KITLG: variants seen among roughly 807,000 people sequenced by gnomAD.
The protein encoded by KITLG is c-Kit ligand.
A neutral mutation model predicts 34.1 loss-of-function variants in KITLG; 13 were observed. That is an observed-to-expected ratio of 0.38 (90% confidence interval 0.25 to 0.61). The LOEUF is 0.61. Among genes scored for constraint, KITLG ranks in the 20% least tolerant of loss-of-function variants. KITLG has a pLI of 0.60. For missense variants in KITLG, 292 were observed against 318.9 expected, an observed-to-expected ratio of 0.92 and a Z score of 0.64; for synonymous variants, 110 against 104.0, an observed-to-expected ratio of 1.06 and a Z score of -0.35.
intron 1 of KITLG, among the ~76,000 whole-genome samples, chr12:88,546,913 C>T (rs1169056666): frequency 6.6e-6 from 1 of 152,018 alleles, no homozygotes; most frequent in Non-Finnish European, 1.5e-5. Flanking sequence ...AATCAATTAA[C>T]CTTAAGGGGG....
At chr12:88,550,716 A>T (rs940655338) in intron 1 of KITLG, among the ~76,000 whole-genome samples, 16 of 152,196 alleles carry the variant, frequency 1.1e-4, no homozygotes, top group African/African-American at 3.9e-4. Flanking sequence ...ACACTGTCCC[A>T]GAACTCCTGC....
At chr12:88,506,494 CA>C in intron 7 of KITLG, 116 bp from the exon 8 acceptor site, 1 of 765,208 alleles carries the variant, frequency 1.3e-6, no homozygotes, top group Non-Finnish European at 2.3e-6. Flanking sequence ...ACAGTTTTTT[CA>C]GCATGTAGCA....
intron 1 of KITLG, among the ~76,000 whole-genome samples, chr12:88,550,853 A>G (rs1327175933): frequency 2.0e-5 from 3 of 152,208 alleles, no homozygotes; most frequent in Non-Finnish European, 4.4e-5. Context: ...TGAATAGTCT[A>G]TATTATTCAA....
At chr12:88,538,752 A>C (rs935839608) in intron 2 of KITLG, among the ~76,000 whole-genome samples, 1 of 152,130 alleles carries the variant, frequency 6.6e-6, no homozygotes. Context: ...TGTTCTACTA[A>C]AGAAATTCAT....
At chr12:88,554,067 G>T (rs1456502847) in intron 1 of KITLG, among the ~76,000 whole-genome samples, 1 of 152,068 alleles carries the variant, frequency 6.6e-6, no homozygotes, top group Non-Finnish European at 1.5e-5. Context: ...ACAGTAAAAG[G>T]CCACATGCCA....
At chr12:88,514,410 C>T (rs1165887548) in intron 6 of KITLG, among the ~76,000 whole-genome samples, 4 of 151,492 alleles carry the variant, frequency 2.6e-5, no homozygotes, top group South Asian at 2.1e-4. Flanking sequence ...GGTAAGAAAA[C>T]CCTTAATTGA....
intron 6 of KITLG, among the ~76,000 whole-genome samples, chr12:88,515,078 T>C (rs1206547075): frequency 6.6e-6 from 1 of 151,834 alleles, no homozygotes; most frequent in African/African-American, 2.4e-5. Context: ...TAAATACTGA[T>C]ATACACAAAT....
chr12:88,570,598 T>C (rs115848863), intron 1 of KITLG, among the ~76,000 whole-genome samples: 2,064 of 152,148 alleles, frequency 0.014, 60 homozygotes, highest in African/African-American at 0.047. Context: ...CGTGTCTATA[T>C]TGGTGCATTA....
chr12:88,556,299 C>G (rs2120939682), intron 1 of KITLG, among the ~76,000 whole-genome samples: 1 of 150,226 alleles, frequency 6.7e-6, no homozygotes. Context: ...TTTAAAAGCA[C>G]TGGGGAGACC....
At chr12:88,567,759 C>T (rs761619618) in intron 1 of KITLG, among the ~76,000 whole-genome samples, 1 of 152,118 alleles carries the variant, frequency 6.6e-6, no homozygotes, top group Non-Finnish European at 1.5e-5. Context: ...GTCCTAATGC[C>T]CTTCTTATGC....
intron 1 of KITLG, among the ~76,000 whole-genome samples, chr12:88,552,762 T>TAA (rs930342083): frequency 9.5e-5 from 14 of 146,810 alleles, no homozygotes; most frequent in African/African-American, 3.6e-4. Context: ...AAGAAGAAAT[T>TAA]AAAAAAAAAA....
In KITLG at chr12:88,580,265, T is replaced by C. The variant is rs749575648; in HGVS notation, c.14A>G (p.Gln5Arg). MKKT[Q>R]TWILTCIYLQ... is the part of the protein sequence containing the mutation. ...AGCTCCCGGGCGCGCCCTACTCACT[T>C]GTGTCTTCTTCATAAGGAAAGGCAG... is the stretch of plus-strand genomic sequence containing the variant. Residue 5 changes from glutamine to arginine, a missense_variant and splice_region_variant, in exon 1 of 10, where the codon CAA (glutamine) becomes CGA (arginine). By Grantham distance (43) the Gln-to-Arg change is conservative. Coordinates refer to ENST00000644744, the MANE Select transcript of KITLG (RefSeq NM_000899.5). 1.9e-6 allele frequency: 3 copies of C among 1,610,120 alleles called. No homozygotes were observed. Among genetic ancestry groups the C allele is most frequent in the Non-Finnish European group, 2.5e-6 (3 of 1,178,316 alleles).
At chr12:88,558,520 C>A (rs1871177525) in intron 1 of KITLG, among the ~76,000 whole-genome samples, 1 of 152,150 alleles carries the variant, frequency 6.6e-6, no homozygotes, top group Admixed American at 6.5e-5. Flanking sequence ...ACTGGCTTTG[C>A]GAATTATGCA....
chr12:88,571,971 G>A (rs998813936), intron 1 of KITLG, among the ~76,000 whole-genome samples: 2 of 152,126 alleles, frequency 1.3e-5, no homozygotes, highest in African/African-American at 4.8e-5. Context: ...CCTCTCAGCG[G>A]AAAAGTGCTG....
At position 88,512,889 on chromosome 12, in the gene KITLG, C is replaced by G. The variant is rs190554162; in HGVS notation, c.604+2645G>C. Among the ~76,000 whole-genome samples the G allele has an allele frequency of 1.8e-3, 268 of 151,678 alleles. 1 individual carries two copies. The highest frequency in any genetic ancestry group is 3.2e-3 in the Non-Finnish European group (220 of 67,730). ...CAGCAGATCTGTATTATAAGAGATG[C>G]TATAGAATGTTTTTCAGCCTGAAGG... On this transcript the variant is annotated intron_variant, in intron 6 of 9. Transcript: ENST00000644744.
At chr12:88,516,707 G>A (rs1175112434) in intron 4 of KITLG, among the ~76,000 whole-genome samples, 1 of 151,390 alleles carries the variant, frequency 6.6e-6, no homozygotes, top group Non-Finnish European at 1.5e-5. Context: ...TGAACACAAT[G>A]TCATGGCAAA....
At position 88,580,373 on chromosome 12, in the gene KITLG, C is replaced by G. The variant is rs1270631449; in HGVS notation, c.-95G>C. 2.8e-6 allele frequency: 4 copies of G among 1,430,950 alleles called. No homozygotes were observed. The highest frequency in any genetic ancestry group is 2.8e-5 in the African/African-American group (2 of 71,048). 88.6% of individuals were successfully genotyped at this position (1,430,950 alleles called of 1,614,324 possible). ...CAGCATATTGCACGAACAGCGGCGG[C>G]AGATAGTCCACGCATTGGGTAGCCC... On this transcript the variant is annotated 5_prime_UTR_variant, in exon 1 of 10. Transcript: ENST00000644744.
At chr12:88,538,470 G>A (rs370610824) in intron 2 of KITLG, among the ~76,000 whole-genome samples, 10 of 151,802 alleles carry the variant, frequency 6.6e-5, no homozygotes, top group African/African-American at 2.4e-4. Flanking sequence ...ACTTACTTAC[G>A]TAAGTGGTGA....
At chr12:88,524,662 A>T (rs917198379) in intron 3 of KITLG, among the ~76,000 whole-genome samples, 1 of 152,076 alleles carries the variant, frequency 6.6e-6, no homozygotes, top group African/African-American at 2.4e-5. Flanking sequence ...TTTCTATCAG[A>T]GAATAATGGC....
Sources: allele counts gnomAD v4.1 joint callset (sites outside exome capture counted in the v4.1 genomes callset), GRCh38; gene constraint gnomAD v4.1.1; transcripts MANE v1.5; gene names NCBI Gene and HGNC (gene_info 2026-07-23, HGNC 2026-07-21).